The following ACLY variants were observed in gnomAD, a reference collection of about 807,000 sequenced individuals.
ACLY encodes the protein ATP citrate lyase.
In ACLY, 41 loss-of-function variants were observed where a neutral mutation model predicts 133.0. That is an observed-to-expected ratio of 0.31 (90% CI 0.24 to 0.40). ACLY has a LOEUF of 0.40. Ranked by LOEUF, ACLY falls within the 10% of genes least tolerant of loss-of-function variation. The probability of loss-of-function intolerance (pLI) is 1.00; values close to 1 mark genes in which losing one functional copy is unlikely to be tolerated. For missense variants in ACLY, 1,046 were observed against 1,453.8 expected, an observed-to-expected ratio of 0.72 and a Z score of 4.56; for synonymous variants, 495 against 549.3, an observed-to-expected ratio of 0.90 and a Z score of 1.38.
At chr17:41,916,914 G>A (rs1381672917) in intron 1 of ACLY, among the ~76,000 whole-genome samples, 2 of 151,848 alleles carry the variant, frequency 1.3e-5, no homozygotes, top group Non-Finnish European at 2.9e-5. Flanking sequence ...GGAGGCCAAG[G>A]AGGGCAAATC....
intron 1 of ACLY, among the ~76,000 whole-genome samples, chr17:41,914,145 T>C (rs1555634138): frequency 6.6e-6 from 1 of 152,096 alleles, no homozygotes; most frequent in East Asian, 1.9e-4. Context: ...AAAAGTGCCA[T>C]TTCCCCTGGG....
In ACLY at chr17:41,879,217, T is replaced by C. The variant is rs572105062; in HGVS notation, c.2266-293A>G. Among the ~76,000 whole-genome samples the C allele has an allele frequency of 7.9e-5, 12 of 152,126 alleles. 1 individual carries two copies. In the East Asian group the frequency reaches 2.3e-3, roughly 29 times the overall value. On this transcript the variant is annotated intron_variant, in intron 20 of 28. Coordinates refer to ENST00000352035, the MANE Select transcript of ACLY (RefSeq NM_001096.3). ...GCCTCCTGGGTTCCAGCGATTCTCC[T>C]GCCTCAGCCACCCGAGTAGCTAGGA...
At chr17:41,914,563 T>C (rs34427808) in intron 1 of ACLY, among the ~76,000 whole-genome samples, 23,355 of 152,122 alleles carry the variant, frequency 0.15, 1,922 homozygotes, top group East Asian at 0.18. Context: ...TCTTTTCTCC[T>C]GGACACTAGC....
In ACLY at chr17:41,909,016, A is replaced by C; in HGVS notation, c.589T>G (p.Phe197Val). The C allele has an allele frequency of 6.2e-7, 1 of 1,613,526 alleles. No individual in the cohort carries two copies. Among genetic ancestry groups the C allele is most frequent in the Non-Finnish European group, 8.5e-7 (1 of 1,179,958 alleles). The change falls in exon 6 of 29, where the codon TTC becomes GTC. Residue 197 changes from phenylalanine to valine, a missense_variant. Around this residue, in one of 4 missense-constraint regions of ACLY, gnomAD observed 575 missense variants for 804.2 expected, o/e 0.71. Coordinates refer to ENST00000352035, the MANE Select transcript of ACLY (RefSeq NM_001096.3). Reference sequence around the variant, plus strand: ...AGGGGATTGATCTCGAGGTAGGTGAAGTACAAGTCCTCGTAGAAATTGAAG... The same window carrying C: ...AGGGGATTGATCTCGAGGTAGGTGACGTACAAGTCCTCGTAGAAATTGAAG... ...GLFNFYEDLY[F>V]TYLEINPLVV...
intron 24 of ACLY, 75 bp from the exon 25 acceptor site, chr17:41,871,907 C>A: frequency 6.3e-7 from 1 of 1,599,600 alleles, no homozygotes; most frequent in Non-Finnish European, 8.5e-7. Flanking sequence ...CCCAGTGTGT[C>A]CCGAACGGCC....
chr17:41,872,310 C>T, intron 23 of ACLY, 128 bp from the exon 24 acceptor site: 1 of 866,524 alleles, frequency 1.2e-6, no homozygotes. Flanking sequence ...TACTACCACA[C>T]AACTCTAAGG....
intron 1 of ACLY, among the ~76,000 whole-genome samples, chr17:41,928,606 C>CTT (rs1292980727): frequency 9.3e-5 from 14 of 151,276 alleles, no homozygotes; most frequent in African/African-American, 3.4e-4. Context: ...AATCCCAGCA[C>CTT]TTTGAGAGGC....
At chr17:41,886,867 C>T (rs2049060074) in intron 17 of ACLY, among the ~76,000 whole-genome samples, 1 of 151,842 alleles carries the variant, frequency 6.6e-6, no homozygotes, top group African/African-American at 2.4e-5. Context: ...CTCACGCCTG[C>T]AATCCCAACA....
At chr17:41,896,487 A>G in intron 14 of ACLY, 133 bp downstream of exon 14, 1 of 799,106 alleles carries the variant, frequency 1.3e-6, no homozygotes, top group Non-Finnish European at 1.9e-6. Flanking sequence ...GTCAGGCCAC[A>G]TCAAGGCAGG....
At chr17:41,877,145 C>CTT (rs879951363) in intron 22 of ACLY, among the ~76,000 whole-genome samples, 1 of 145,002 alleles carries the variant, frequency 6.9e-6, no homozygotes, top group East Asian at 2.0e-4. Flanking sequence ...TCTCTCTCTC[C>CTT]TTTTTTTTTT....
rs1166147023 is a variant in ACLY, at chr17:41,904,721, A to C, written c.1065+8T>G. Reference sequence around the variant, plus strand: ...CCCCAGAAACTGCACCACTGTTGCAACTGTTACCTTGAACGTGGCAGCCAC... The same window carrying C: ...CCCCAGAAACTGCACCACTGTTGCACCTGTTACCTTGAACGTGGCAGCCAC... On this transcript the variant is annotated splice_region_variant and intron_variant, in intron 10 of 28. Coordinates refer to ENST00000352035, the MANE Select transcript of ACLY (RefSeq NM_001096.3). 6.2e-7 allele frequency: 1 copy of C among 1,613,064 alleles called. No individual in the cohort carries two copies. The highest frequency in any genetic ancestry group is 2.2e-5 in the East Asian group (1 of 44,888).
In ACLY at chr17:41,899,872, C is replaced by T. The variant is rs557379411; in HGVS notation, c.1184-1087G>A. 7.1e-4 allele frequency among the ~76,000 whole-genome samples: 107 copies of T among 151,252 alleles called. 1 individual carries two copies. The highest frequency in any genetic ancestry group is 2.9e-3 in the Admixed American group (44 of 15,206). ...CAGCCTGGGCAACATGGCAAAAGTT[C>T]GTCTACAAAAAAATTAGCCAGGTGT... On this transcript the variant is annotated intron_variant, in intron 11 of 28. Coordinates refer to ENST00000352035, the MANE Select transcript of ACLY (RefSeq NM_001096.3).
At chr17:41,881,067 T>G (rs1422980738) in intron 20 of ACLY, among the ~76,000 whole-genome samples, 1 of 151,322 alleles carries the variant, frequency 6.6e-6, no homozygotes, top group East Asian at 2.0e-4. Flanking sequence ...GGAGGGTGAC[T>G]GGTTTTTGGC....
intron 23 of ACLY, among the ~76,000 whole-genome samples, chr17:41,872,752 C>A (rs1367500897): frequency 1.3e-5 from 2 of 152,156 alleles, no homozygotes; most frequent in Non-Finnish European, 2.9e-5. Context: ...GCTCCATGTG[C>A]CAGACTGACA....
intron 6 of ACLY, among the ~76,000 whole-genome samples, chr17:41,908,341 G>A (rs1449766038): frequency 6.6e-6 from 1 of 152,250 alleles, no homozygotes; most frequent in Non-Finnish European, 1.5e-5. Flanking sequence ...AGGGAGGCAA[G>A]TGTGAGGCCT....
chr17:41,899,522 C>T (rs1197354135), intron 11 of ACLY, among the ~76,000 whole-genome samples: 1 of 152,134 alleles, frequency 6.6e-6, no homozygotes, highest in African/African-American at 2.4e-5. Context: ...TGGCTGCTCT[C>T]TGGTCTCCCA....
chr17:41,910,362 G>T, intron 3 of ACLY, 78 bp from the exon 4 acceptor site: 2 of 1,330,138 alleles, frequency 1.5e-6, no homozygotes, highest in South Asian at 1.2e-5. Flanking sequence ...GACTGCACAG[G>T]GGTGGTGCCC....
intron 11 of ACLY, among the ~76,000 whole-genome samples, chr17:41,901,207 A>C (rs1183966017): frequency 6.6e-6 from 1 of 151,064 alleles, no homozygotes; most frequent in Admixed American, 6.6e-5. Context: ...GGATCCTCCC[A>C]CTTCGACCTC....
chr17:41,892,492 G>C (rs1555629548), intron 15 of ACLY, 45 bp from the exon 16 acceptor site: 2 of 1,573,236 alleles, frequency 1.3e-6, no homozygotes, highest in Admixed American at 1.7e-5. Context: ...CAACCTGTCA[G>C]GACTGGGGAA....
Sources: allele counts gnomAD v4.1 joint callset (sites outside exome capture counted in the v4.1 genomes callset), GRCh38; gene constraint gnomAD v4.1.1; regional missense constraint gnomAD v4.1.1; transcripts MANE v1.5; gene names NCBI Gene and HGNC (gene_info 2026-07-23, HGNC 2026-07-21).